GNPTAB: variants seen among roughly 807,000 people sequenced by gnomAD.
The protein encoded by GNPTAB is N-acetylglucosamine-1-phosphotransferase subunits alpha/beta.
GNPTAB carries 92 observed loss-of-function variants against 136.6 expected under a neutral mutation model. The ratio of observed to expected loss-of-function variants is 0.67; its 90% CI spans 0.57 to 0.80. The LOEUF (loss-of-function observed/expected upper bound fraction) is 0.80. Ranked by LOEUF, GNPTAB falls within the 30% of genes least tolerant of loss-of-function variation. The pLI is 0.00. For synonymous variants in GNPTAB, 512 were observed against 535.1 expected, an observed-to-expected ratio of 0.96 and a Z score of 0.60; for missense variants, 1,343 against 1,501.8, an observed-to-expected ratio of 0.89 and a Z score of 1.75.
intron 1 of GNPTAB, among the ~76,000 whole-genome samples, chr12:101,830,004 C>CAAAAAAAAAAAAAAAAAAG (rs1871283568): frequency 9.4e-6 from 1 of 106,164 alleles, no homozygotes; most frequent in Non-Finnish European, 2.0e-5. Context: ...AACCTCCTAC[C>CAAAAAAAAAAAAAAAAAAG]AAAAAAAAAA....
In GNPTAB at chr12:101,830,893, G is replaced by A. The variant is rs1452785538; in HGVS notation, c.-218C>T. 2.7e-5 allele frequency: 4 copies of A among 148,032 alleles called. No individual in the cohort carries two copies. Among genetic ancestry groups the A allele is most frequent in the Admixed American group, 2.7e-4 (4 of 14,862 alleles). 9.2% of individuals were successfully genotyped at this position (148,032 alleles called of 1,614,324 possible). A position where few individuals can be genotyped will look rare whatever the true frequency, so the allele number is the denominator to read the frequency against. On this transcript the variant is annotated 5_prime_UTR_variant, in exon 1 of 21. Coordinates refer to ENST00000299314, the MANE Select transcript of GNPTAB (RefSeq NM_024312.5). ...CGGGAGCCCACGCCCTCGGCGCGGCGGAGGCGGACCTGCGGCCGGCGAGGC... is the reference window on the plus strand; with the variant it reads ...CGGGAGCCCACGCCCTCGGCGCGGCAGAGGCGGACCTGCGGCCGGCGAGGC...
intron 7 of GNPTAB, chr12:101,779,837 C>T (rs970296023): frequency 1.0e-5 from 4 of 386,702 alleles, no homozygotes; most frequent in East Asian, 6.2e-5. Context: ...CCACCCTGAA[C>T]GCACCCGATC....
rs1414895971 is a variant in GNPTAB at position 101,775,138 on chromosome 12, C to G, written c.772-3981G>C. The stretch of plus-strand genomic sequence containing the variant: ...GTGGAGAAAATTTGGTCTAGAAGAA[C>G]ATGCAAATCCAAAATAACAAGGCTT... On this transcript the variant is annotated intron_variant, in intron 7 of 20. Coordinates refer to ENST00000299314, the MANE Select transcript of GNPTAB (RefSeq NM_024312.5). Among the ~76,000 whole-genome samples the G allele has an allele frequency of 2.6e-5, 4 of 152,214 alleles. No homozygotes were observed. In the East Asian group the frequency reaches 5.8e-4, roughly 22 times the overall value.
At position 101,796,770 on chromosome 12, in the gene GNPTAB, A is replaced by G. The variant is rs764273439; in HGVS notation, c.118-8T>C. 3.2e-6 allele frequency: 5 copies of G among 1,581,310 alleles called. No homozygotes were observed. Among genetic ancestry groups the G allele is most frequent in the East Asian group, 2.2e-5 (1 of 44,740 alleles). On this transcript the variant is annotated splice_region_variant and splice_polypyrimidine_tract_variant and intron_variant, in intron 1 of 20. Coordinates refer to ENST00000299314, the MANE Select transcript of GNPTAB (RefSeq NM_024312.5). ...GCTCCATTCCAGAACCACCTAGAAC[A>G]AAGAAAAAGAAACGTTTTCTTCGCA...
chr12:101,823,785 T>C (rs1419544394), intron 1 of GNPTAB, among the ~76,000 whole-genome samples: 2 of 152,196 alleles, frequency 1.3e-5, no homozygotes, highest in East Asian at 3.8e-4. Context: ...AACGGCACAC[T>C]TGAGCTGTGT....
At chr12:101,767,001 T>G (rs1953104611) in intron 11 of GNPTAB, among the ~76,000 whole-genome samples, 1 of 152,216 alleles carries the variant, frequency 6.6e-6, no homozygotes, top group South Asian at 2.1e-4. Flanking sequence ...AATGCTAATG[T>G]TCCAGTAGAG....
At chr12:101,804,308 C>G (rs1242263141) in intron 1 of GNPTAB, among the ~76,000 whole-genome samples, 1 of 150,590 alleles carries the variant, frequency 6.6e-6, no homozygotes, top group Non-Finnish European at 1.5e-5. Flanking sequence ...GAACCCTTAG[C>G]AATCACACTT....
chr12:101,757,502 A>C, intron 17 of GNPTAB, 70 bp downstream of exon 17: 1 of 876,666 alleles, frequency 1.1e-6, no homozygotes, highest in East Asian at 2.4e-5. Flanking sequence ...AATATTGTAG[A>C]ATTATAAAAA....
At chr12:101,779,989 C>T (rs1179169291) in intron 7 of GNPTAB, 163 bp downstream of exon 7, 1 of 722,452 alleles carries the variant, frequency 1.4e-6, no homozygotes, top group African/African-American at 1.8e-5. Flanking sequence ...GATTTTTGCC[C>T]AAATTAAAAG....
At chr12:101,762,241 C>CAT (rs1303816928) in intron 13 of GNPTAB, among the ~76,000 whole-genome samples, 1 of 152,114 alleles carries the variant, frequency 6.6e-6, no homozygotes, top group Non-Finnish European at 1.5e-5. Flanking sequence ...AAAATCAAAA[C>CAT]CAGTCAGTGG....
intron 11 of GNPTAB, among the ~76,000 whole-genome samples, chr12:101,767,158 T>C (rs1431419843): frequency 6.6e-6 from 1 of 152,206 alleles, no homozygotes; most frequent in Non-Finnish European, 1.5e-5. Flanking sequence ...TTTCTTCATA[T>C]GGAAATGGGG....
At chr12:101,779,781 G>A (rs1953311915) in intron 7 of GNPTAB, 2 of 277,432 alleles carry the variant, frequency 7.2e-6, no homozygotes, top group Admixed American at 9.8e-5. Flanking sequence ...ATCCCCAGCA[G>A]CTGTAATGTC....
chr12:101,756,354 C>A, intron 18 of GNPTAB: 1 of 190,948 alleles, frequency 5.2e-6, no homozygotes, highest in Non-Finnish European at 1.1e-5. Context: ...AATTAAAATC[C>A]TAATTTCAGT....
chr12:101,778,883 G>A (rs1953297096), intron 7 of GNPTAB: 1 of 151,438 alleles, frequency 6.6e-6, no homozygotes, highest in South Asian at 2.1e-4. Flanking sequence ...TCCAGCCTGG[G>A]TGACAGAGCA....
At chr12:101,749,808 GAGTGAATCCATGCGGC>G (rs1374945951) in intron 19 of GNPTAB, among the ~76,000 whole-genome samples, 1 of 152,242 alleles carries the variant, frequency 6.6e-6, no homozygotes, top group Non-Finnish European at 1.5e-5. Context: ...GGACTGAGTG[GAGTGAATCCATGCGGC>G]AGCATGGGGG....
At chr12:101,829,844 T>G (rs1188341519) in intron 1 of GNPTAB, among the ~76,000 whole-genome samples, 1 of 152,102 alleles carries the variant, frequency 6.6e-6, no homozygotes, top group Non-Finnish European at 1.5e-5. Flanking sequence ...TCTCTGGCAG[T>G]ACCTGGCACT....
chr12:101,760,703 T>A (rs546232438), intron 15 of GNPTAB, among the ~76,000 whole-genome samples: 1 of 152,220 alleles, frequency 6.6e-6, no homozygotes, highest in East Asian at 1.9e-4. Context: ...ACAGTAAATA[T>A]TAAGAATTAT....
In GNPTAB at chr12:101,746,986, G is replaced by C. The variant is rs1287986738; in HGVS notation, c.*178C>G. ...TGCTCAACACACAAGTTTTCAGTGG[G>C]TTGGTTAAATAATTCCTGGTCAGTG... is the stretch of plus-strand genomic sequence containing the variant. On this transcript the variant is annotated 3_prime_UTR_variant, in exon 21 of 21. Transcript: ENST00000299314. 1.6e-6 allele frequency: 1 copy of C among 614,282 alleles called. No individual in the cohort carries two copies. The highest frequency in any genetic ancestry group is 2.9e-6 in the Non-Finnish European group (1 of 339,216). 38.1% of individuals were successfully genotyped at this position (614,282 alleles called of 1,614,324 possible). A position where few individuals can be genotyped will look rare whatever the true frequency, so the allele number is the denominator to read the frequency against.
intron 4 of GNPTAB, among the ~76,000 whole-genome samples, chr12:101,787,779 G>A (rs545123591): frequency 6.6e-6 from 1 of 152,116 alleles, no homozygotes; most frequent in East Asian, 1.9e-4. Context: ...CAGGCGTGGT[G>A]GTGCATGCCT....
Sources: allele counts gnomAD v4.1 joint callset (sites outside exome capture counted in the v4.1 genomes callset), GRCh38; gene constraint gnomAD v4.1.1; transcripts MANE v1.5; gene names NCBI Gene and HGNC (gene_info 2026-07-23, HGNC 2026-07-21).